Variants in RNLS observed in about 807,000 individuals in gnomAD.
RNLS encodes the protein renalase.
RNLS carries 39 observed loss-of-function variants against 39.8 expected under a neutral mutation model. The ratio of observed to expected loss-of-function variants is 0.98; its 90% confidence interval spans 0.76 to 1.28. RNLS has a LOEUF of 1.28. Among genes scored for constraint, RNLS ranks in the 50% most tolerant of loss-of-function variants. The probability of loss-of-function intolerance (pLI) is 0.00; values close to 1 mark genes in which losing one functional copy is unlikely to be tolerated. For synonymous variants in RNLS, 147 were observed against 150.7 expected (o/e 0.98, Z 0.18); for missense variants, 410 against 413.3 (o/e 0.99, Z 0.07).
chr10:88,370,714 C>T (rs1189196186), intron 4 of RNLS, among the ~76,000 whole-genome samples: 1 of 152,132 alleles, frequency 6.6e-6, no homozygotes, highest in African/African-American at 2.4e-5. Context: ...ATAGCTGGTT[C>T]CTCTTGACTC....
intron 5 of RNLS, among the ~76,000 whole-genome samples, chr10:88,351,748 T>C (rs1848726533): frequency 6.6e-6 from 1 of 152,190 alleles, no homozygotes; most frequent in African/African-American, 2.4e-5. Context: ...AAGAAAGTCA[T>C]TGGTAGCTTG....
intron 6 of RNLS, among the ~76,000 whole-genome samples, chr10:88,293,746 A>G (rs1284402404): frequency 6.6e-6 from 1 of 152,160 alleles, no homozygotes; most frequent in Admixed American, 6.6e-5. Flanking sequence ...ACACAGCTCA[A>G]AGCAGAGTCT....
chr10:88,547,788 C>A (rs1278951087), intron 4 of RNLS, among the ~76,000 whole-genome samples: 1 of 152,046 alleles, frequency 6.6e-6, no homozygotes, highest in East Asian at 1.9e-4. Flanking sequence ...GTACTCACCA[C>A]AAAATAATGA....
the RNLS span, among the ~76,000 whole-genome samples, chr10:88,217,259 G>A: frequency 1.3e-5 from 2 of 152,174 alleles, no homozygotes; most frequent in Admixed American, 1.3e-4. Flanking sequence ...TTCGTCAAAC[G>A]AAACAGGACA....
intron 6 of RNLS, among the ~76,000 whole-genome samples, chr10:88,300,395 C>T (rs185705684): frequency 6.6e-6 from 1 of 152,312 alleles, no homozygotes; most frequent in East Asian, 1.9e-4. Context: ...AGTTCAATTT[C>T]AGCCAAACTG....
At chr10:88,266,563 C>G in the RNLS span, among the ~76,000 whole-genome samples, 1 of 152,048 alleles carries the variant, frequency 6.6e-6, no homozygotes, top group Admixed American at 6.6e-5. Context: ...TCTCTTTTGA[C>G]CAAGCCAACA....
chr10:88,355,665 C>T (rs1283579219), intron 5 of RNLS, among the ~76,000 whole-genome samples: 1 of 151,928 alleles, frequency 6.6e-6, no homozygotes, highest in African/African-American at 2.4e-5. Context: ...GGTCAGGGGC[C>T]CACTTGAGGA....
At chr10:88,282,783 T>C (rs1843070360), downstream of RNLS, among the ~76,000 whole-genome samples, 1 of 152,156 alleles carries the variant, frequency 6.6e-6, no homozygotes, top group Non-Finnish European at 1.5e-5. Context: ...CTGCTATAAT[T>C]TGTCACCCTT....
At chr10:88,391,297 G>T (rs755710331) in intron 4 of RNLS, among the ~76,000 whole-genome samples, 1 of 152,152 alleles carries the variant, frequency 6.6e-6, no homozygotes, top group Non-Finnish European at 1.5e-5. Flanking sequence ...AGTGGCTCAT[G>T]CCTGTAATCC....
At chr10:88,241,569 T>G in the RNLS span, among the ~76,000 whole-genome samples, 1 of 152,196 alleles carries the variant, frequency 6.6e-6, no homozygotes, top group Non-Finnish European at 1.5e-5. Flanking sequence ...TCTACTTACT[T>G]TTTTTGAAAC....
chr10:88,181,060 C>G, the RNLS span, among the ~76,000 whole-genome samples: 11 of 152,282 alleles, frequency 7.2e-5, no homozygotes, highest in South Asian at 2.3e-3. Context: ...ATGACAACTT[C>G]TTTTGTGCAG....
At chr10:88,193,349 C>A in the RNLS span, among the ~76,000 whole-genome samples, 1 of 152,068 alleles carries the variant, frequency 6.6e-6, no homozygotes, top group Admixed American at 6.6e-5. Flanking sequence ...CTGGGTGGTC[C>A]TTTGGCTCCC....
At chr10:88,547,616 C>T (rs1021739703) in intron 4 of RNLS, among the ~76,000 whole-genome samples, 4 of 152,096 alleles carry the variant, frequency 2.6e-5, no homozygotes, top group Middle Eastern at 3.2e-3. Flanking sequence ...GAATTATAAG[C>T]ATAGCACTAA....
At position 88,314,507 on chromosome 10, in the gene RNLS, G is replaced by A. The variant is rs761604880; in HGVS notation, c.835C>T (p.Gln279Ter). 18 of 1,613,828 alleles carry A rather than the reference G, an allele frequency of 1.1e-5. No individual in the cohort carries two copies. In the South Asian group the frequency reaches 1.9e-4, roughly 17 times the overall value. The change falls in exon 6 of 7, where the codon CAG becomes TAG. Residue 279 changes from glutamine (Q) to a stop codon, truncating the protein, a stop_gained. Coordinates refer to ENST00000331772, the MANE Select transcript of RNLS (RefSeq NM_001031709.3). LOFTEE classifies it high-confidence loss of function. ...TTTTGGCATTTGGTAGCAATTGGCT[G>A]AGGCAAACCCGGCAAAATGTTTTCC... is the stretch of plus-strand genomic sequence containing the variant. The part of the protein sequence containing the change: ...QLENILPGLP[Q>*]PIATKCQKWR...
chr10:88,504,855 G>T (rs1344270066), intron 4 of RNLS, among the ~76,000 whole-genome samples: 3 of 151,122 alleles, frequency 2.0e-5, no homozygotes, highest in Non-Finnish European at 4.4e-5. Flanking sequence ...GTGTGTGTGT[G>T]TGTGTGTGTG....
intron 4 of RNLS, among the ~76,000 whole-genome samples, chr10:88,455,901 TA>T (rs1842605167): frequency 6.6e-6 from 1 of 152,178 alleles, no homozygotes; most frequent in South Asian, 2.1e-4. Context: ...CTTTTTGTTT[TA>T]AAATGAATAG....
intron 4 of RNLS, among the ~76,000 whole-genome samples, chr10:88,433,367 A>G (rs770571775): frequency 4.6e-5 from 7 of 152,102 alleles, no homozygotes; most frequent in Non-Finnish European, 7.4e-5. Context: ...AGAGATGGCT[A>G]GAGTATGAGT....
chr10:88,277,785 A>C (rs1041305201), intron 6 of RNLS, among the ~76,000 whole-genome samples: 16 of 152,256 alleles, frequency 1.1e-4, no homozygotes, highest in East Asian at 5.8e-4. Flanking sequence ...AGAATCTTTG[A>C]CTTCTCCCTA....
chr10:88,391,684 G>C lies in RNLS; in HGVS notation c.527-28959C>G, dbSNP rs1231336586. Among the ~76,000 whole-genome samples the C allele has an allele frequency of 2.0e-5, 3 of 152,090 alleles. No individual in the cohort carries two copies. In the East Asian group the frequency reaches 5.8e-4, roughly 29 times the overall value. On this transcript the variant is annotated intron_variant, in intron 4 of 6. Transcript: ENST00000331772. The stretch of plus-strand genomic sequence containing the variant: ...GTGATAATGAAAATGGCAAAATAAG[G>C]GACTCTGAAAACCCTCTCCTCCATA...
Sources: allele counts gnomAD v4.1 joint callset (sites outside exome capture counted in the v4.1 genomes callset), GRCh38; gene constraint gnomAD v4.1.1; transcripts MANE v1.5; gene names NCBI Gene and HGNC (gene_info 2026-07-23, HGNC 2026-07-21).